KRABD5: variants seen among roughly 807,000 people sequenced by gnomAD.
The protein encoded by KRABD5 is KRAB domain-containing protein 5.
the KRABD5 span, chr16:31,759,112 G>A: frequency 8.2e-6 from 3 of 364,144 alleles, no homozygotes; most frequent in Non-Finnish European, 1.6e-5. Flanking sequence ...GCTAAAAAAG[G>A]AGATAATTAT....
chr16:31,761,548 A>G, the KRABD5 span: 13 of 152,336 alleles, frequency 8.5e-5, no homozygotes, highest in Admixed American at 2.0e-4. Flanking sequence ...TTCTACAAAA[A>G]TAAACATTGA....
chr16:31,715,971 C>T, the KRABD5 span, among the ~76,000 whole-genome samples: 1 of 152,160 alleles, frequency 6.6e-6, no homozygotes, highest in African/African-American at 2.4e-5. Flanking sequence ...GTTCTGAGAA[C>T]AGACCCCTGC....
At chr16:31,759,220 G>T in the KRABD5 span, 4 of 925,438 alleles carry the variant, frequency 4.3e-6, no homozygotes, top group Non-Finnish European at 6.3e-6. Context: ...TGAACTAATT[G>T]TATAGCTTTT....
chr16:31,749,835 G>T, the KRABD5 span, among the ~76,000 whole-genome samples: 1 of 152,146 alleles, frequency 6.6e-6, no homozygotes, highest in Non-Finnish European at 1.5e-5. Context: ...ACTTATTATT[G>T]TTCTTTTCGA....
chr16:31,715,737 G>C, the KRABD5 span, among the ~76,000 whole-genome samples: 1 of 152,154 alleles, frequency 6.6e-6, no homozygotes, highest in Admixed American at 6.5e-5. Context: ...TCAGAATTGA[G>C]TTGTTGGACA....
At chr16:31,716,716 G>A in the KRABD5 span, among the ~76,000 whole-genome samples, 1 of 152,074 alleles carries the variant, frequency 6.6e-6, no homozygotes, top group Non-Finnish European at 1.5e-5. Context: ...GTGTGTCCAA[G>A]GCAAATCCTC....
At chr16:31,752,264 A>G in the KRABD5 span, among the ~76,000 whole-genome samples, 1 of 152,198 alleles carries the variant, frequency 6.6e-6, no homozygotes, top group African/African-American at 2.4e-5. Context: ...GTAGATGTCT[A>G]TTAGGTCCAG....
chr16:31,713,456 G>A, the KRABD5 span: 7 of 1,601,278 alleles, frequency 4.4e-6, no homozygotes, highest in African/African-American at 6.7e-5. Flanking sequence ...CAGGTCGGGG[G>A]TCCCCAGAAG....
chr16:31,734,349 C>A, the KRABD5 span, among the ~76,000 whole-genome samples: 2 of 151,652 alleles, frequency 1.3e-5, no homozygotes. Flanking sequence ...CTCTTGGGCT[C>A]AAGTGATCCT....
chr16:31,728,242 C>G, the KRABD5 span, among the ~76,000 whole-genome samples: 19,375 of 152,054 alleles, frequency 0.13, 1,575 homozygotes, highest in South Asian at 0.32. Flanking sequence ...TTGAAAAACT[C>G]AATTCAGTTT....
chr16:31,734,291 C>T, the KRABD5 span, among the ~76,000 whole-genome samples: 2 of 151,258 alleles, frequency 1.3e-5, no homozygotes, highest in Non-Finnish European at 2.9e-5. Flanking sequence ...CACTGTGTTA[C>T]CCAGGCTGAA....
At chr16:31,751,652 C>T in the KRABD5 span, among the ~76,000 whole-genome samples, 2 of 152,114 alleles carry the variant, frequency 1.3e-5, no homozygotes, top group East Asian at 3.9e-4. Context: ...TTATCTGGAT[C>T]TTCTGTTTTT....
At chr16:31,733,080 G>C in the KRABD5 span, among the ~76,000 whole-genome samples, 1 of 151,910 alleles carries the variant, frequency 6.6e-6, no homozygotes, top group Non-Finnish European at 1.5e-5. Flanking sequence ...TGAATTGGAT[G>C]ATAATTTTCA....
chr16:31,730,438 C>G, the KRABD5 span, among the ~76,000 whole-genome samples: 1 of 151,960 alleles, frequency 6.6e-6, no homozygotes, highest in Non-Finnish European at 1.5e-5. Context: ...TAAAGTTTCC[C>G]TTGTATGTGA....
chr16:31,755,652 G>T, the KRABD5 span: 1 of 481,310 alleles, frequency 2.1e-6, no homozygotes. Flanking sequence ...AAAGAATGTG[G>T]CAAATTATTT....
the KRABD5 span, among the ~76,000 whole-genome samples, chr16:31,739,639 T>A: frequency 3.3e-5 from 5 of 152,210 alleles, no homozygotes; most frequent in African/African-American, 9.6e-5. Context: ...AAATAAAGTT[T>A]CTACTCTTTC....
the KRABD5 span, among the ~76,000 whole-genome samples, chr16:31,751,743 T>G: frequency 5.9e-4 from 90 of 152,336 alleles, no homozygotes; most frequent in African/African-American, 2.1e-3. Flanking sequence ...ATGCTTTGTA[T>G]GGAATTTGGG....
At chr16:31,730,532 A>T in the KRABD5 span, among the ~76,000 whole-genome samples, 1 of 152,002 alleles carries the variant, frequency 6.6e-6, no homozygotes, top group Non-Finnish European at 1.5e-5. Context: ...CCCCAGGGGA[A>T]TCTTCATTAG....
At chr16:31,745,928 C>G in the KRABD5 span, among the ~76,000 whole-genome samples, 1 of 151,966 alleles carries the variant, frequency 6.6e-6, no homozygotes, top group African/African-American at 2.4e-5. Context: ...TTGTCAGAAA[C>G]TAGGATTGCA....
Sources: gnomAD v4.1 joint callset for allele counts (sites outside exome capture counted in the v4.1 genomes callset) on GRCh38, gnomAD v4.1.1 for gene constraint, MANE v1.5 for transcripts, NCBI Gene and HGNC (gene_info 2026-07-23, HGNC 2026-07-21) for gene names.